RASAL2: variants seen among roughly 807,000 people sequenced by gnomAD.
RASAL2 encodes the protein ras GTPase-activating protein nGAP.
A neutral mutation model predicts 128.9 loss-of-function variants in RASAL2; 58 were observed. That is an observed-to-expected ratio of 0.45 (90% CI 0.36 to 0.56). The LOEUF (loss-of-function observed/expected upper bound fraction) is 0.56. Ranked by LOEUF, RASAL2 falls within the 20% of genes least tolerant of loss-of-function variation. RASAL2 has a pLI of 0.00. For synonymous variants in RASAL2, 561 were observed against 580.8 expected, an observed-to-expected ratio of 0.97 and a Z score of 0.49; for missense variants, 1,360 against 1,601.6, an observed-to-expected ratio of 0.85 and a Z score of 2.57.
intron 14 of RASAL2, among the ~76,000 whole-genome samples, chr1:178,461,469 C>T (rs1007737958): frequency 6.6e-6 from 1 of 152,112 alleles, no homozygotes; most frequent in African/African-American, 2.4e-5. Context: ...AAGAAACTCT[C>T]TTAATTTTTT....
intron 7 of RASAL2, 89 bp from the exon 8 acceptor site, chr1:178,442,586 G>A: frequency 9.2e-7 from 1 of 1,087,882 alleles, no homozygotes; most frequent in South Asian, 1.7e-5. Flanking sequence ...CCTTAATAGA[G>A]TACCTAATGA....
chr1:178,095,219 G>A (rs1382339692), intron 1 of RASAL2, among the ~76,000 whole-genome samples: 1 of 152,192 alleles, frequency 6.6e-6, no homozygotes, highest in African/African-American at 2.4e-5. Context: ...ATTCCAACGG[G>A]TGTGGATTGT....
intron 1 of RASAL2, among the ~76,000 whole-genome samples, chr1:178,151,568 T>A (rs974323220): frequency 1.3e-5 from 2 of 152,220 alleles, no homozygotes; most frequent in African/African-American, 4.8e-5. Flanking sequence ...ATTCGGTGTT[T>A]GCAGTGACAT....
intron 1 of RASAL2, among the ~76,000 whole-genome samples, chr1:178,246,388 G>C (rs960958149): frequency 6.6e-6 from 1 of 152,082 alleles, no homozygotes; most frequent in African/African-American, 2.4e-5. Context: ...TGGTGTGTAG[G>C]AATACTTGTG....
At chr1:178,272,297 G>A (rs940833894) in intron 1 of RASAL2, among the ~76,000 whole-genome samples, 4 of 152,090 alleles carry the variant, frequency 2.6e-5, no homozygotes, top group Non-Finnish European at 5.9e-5. Context: ...CGGACTATAC[G>A]TCAGAATAAC....
At chr1:178,139,702 A>G (rs1024982332) in intron 1 of RASAL2, among the ~76,000 whole-genome samples, 4 of 151,912 alleles carry the variant, frequency 2.6e-5, no homozygotes, top group African/African-American at 7.2e-5. Flanking sequence ...ATCATATAAA[A>G]TTGTCAGTTG....
rs183624317 is a variant in RASAL2 at position 178,312,819 on chromosome 1, C to T, written c.457+12701C>T. Among the ~76,000 whole-genome samples, 333 of 152,240 alleles carry T rather than the reference C, an allele frequency of 2.2e-3. 2 individuals are homozygous for T. Among genetic ancestry groups the T allele is most frequent in the African/African-American group, 7.1e-3 (295 of 41,558 alleles). ...TAGATATCTAAGCAAATGAATAATA[C>T]AAGAGAACACTATAAGAGAAACAAA... On this transcript the variant is annotated intron_variant, in intron 3 of 17. Transcript: ENST00000367649.
At chr1:178,302,010 G>A (rs1667788968) in intron 3 of RASAL2, among the ~76,000 whole-genome samples, 1 of 152,238 alleles carries the variant, frequency 6.6e-6, no homozygotes, top group Middle Eastern at 3.4e-3. Flanking sequence ...GACAGTCCAT[G>A]AGCAAATGTC....
chr1:178,408,797 G>A (rs945984767), intron 4 of RASAL2, among the ~76,000 whole-genome samples: 1 of 152,082 alleles, frequency 6.6e-6, no homozygotes, highest in African/African-American at 2.4e-5. Flanking sequence ...AGAATGTCAA[G>A]AATTCATATA....
At chr1:178,242,830 G>A (rs557543803) in intron 1 of RASAL2, among the ~76,000 whole-genome samples, 4 of 152,056 alleles carry the variant, frequency 2.6e-5, no homozygotes, top group African/African-American at 4.8e-5. Flanking sequence ...AGGCTCAAGC[G>A]ATCCTCACAC....
chr1:178,350,646 T>C (rs1017296033), intron 3 of RASAL2, among the ~76,000 whole-genome samples: 1 of 152,206 alleles, frequency 6.6e-6, no homozygotes, highest in Admixed American at 6.5e-5. Context: ...CAGAGTCCTC[T>C]TTCAAACTTG....
intron 3 of RASAL2, among the ~76,000 whole-genome samples, chr1:178,384,509 T>G (rs561381027): frequency 6.6e-6 from 1 of 152,126 alleles, no homozygotes; most frequent in South Asian, 2.1e-4. Context: ...ATTCTCAACA[T>G]GAGCTAAAAT....
Position 178,443,016 on chromosome 1 carries a change from C to T in RASAL2, c.1269C>T (p.Asn423=). The change falls in exon 8 of 18, where the codon AAC becomes AAT. Residue 423 remains asparagine (N), a synonymous_variant. Coordinates refer to ENST00000367649, the MANE Select transcript of RASAL2 (RefSeq NM_170692.4). ...ATCCAGTGAGTACACCTACACCCAA[C>T]AAAGGAAAGACAGGAGGACCTTCTA... ...KWYPVSTPTP[N]KGKTGGPSIR... is the part of the protein sequence containing the mutation. 1.2e-6 allele frequency: 2 copies of T among 1,614,046 alleles called. No homozygotes were observed. The highest frequency in any genetic ancestry group is 1.7e-6 in the Non-Finnish European group (2 of 1,179,964).
At chr1:178,377,873 T>C (rs1011116475) in intron 3 of RASAL2, among the ~76,000 whole-genome samples, 1 of 152,066 alleles carries the variant, frequency 6.6e-6, no homozygotes, top group Non-Finnish European at 1.5e-5. Flanking sequence ...AGGCTTTAAG[T>C]ATACGTGTTA....
chr1:178,113,485 T>C (rs1019458564), intron 1 of RASAL2, among the ~76,000 whole-genome samples: 1 of 151,486 alleles, frequency 6.6e-6, no homozygotes, highest in Non-Finnish European at 1.5e-5. Flanking sequence ...TGTGTATGTG[T>C]ATGTGTGTGG....
chr1:178,468,975 A>G (rs1169754191), intron 17 of RASAL2, among the ~76,000 whole-genome samples: 1 of 152,214 alleles, frequency 6.6e-6, no homozygotes, highest in East Asian at 1.9e-4. Context: ...GATAAAACAG[A>G]CTTTTTAAAT....
chr1:178,208,912 T>C (rs1230292120), intron 1 of RASAL2, among the ~76,000 whole-genome samples: 5 of 152,112 alleles, frequency 3.3e-5, no homozygotes, highest in Admixed American at 6.5e-5. Context: ...CCAACACTTA[T>C]GGAAAATAGA....
chr1:178,348,022 T>C (rs1325348527), intron 3 of RASAL2, among the ~76,000 whole-genome samples: 1 of 152,226 alleles, frequency 6.6e-6, no homozygotes, highest in Non-Finnish European at 1.5e-5. Flanking sequence ...CTCACAAATG[T>C]ATGTTGAGCA....
intron 3 of RASAL2, among the ~76,000 whole-genome samples, chr1:178,384,507 C>T (rs1304156234): frequency 6.6e-6 from 1 of 151,920 alleles, no homozygotes; most frequent in Non-Finnish European, 1.5e-5. Flanking sequence ...AAATTCTCAA[C>T]ATGAGCTAAA....
Sources: allele counts gnomAD v4.1 joint callset (sites outside exome capture counted in the v4.1 genomes callset), GRCh38; gene constraint gnomAD v4.1.1; transcripts MANE v1.5; gene names NCBI Gene and HGNC (gene_info 2026-07-23, HGNC 2026-07-21).